Variants in PPP2R5E observed in about 807,000 individuals in gnomAD.
PPP2R5E encodes protein phosphatase 2 regulatory subunit B'epsilon.
A neutral mutation model predicts 65.3 loss-of-function variants in PPP2R5E; 4 were observed. The observed-to-expected ratio is 0.06, with a 90% confidence interval of 0.03 to 0.14. The LOEUF (loss-of-function observed/expected upper bound fraction) is 0.14, where lower values mean the gene tolerates loss of function less well. PPP2R5E is among the 10% of genes least tolerant of loss of function. The pLI is 1.00. For missense variants in PPP2R5E, 274 were observed against 556.1 expected, an observed-to-expected ratio of 0.49 and a Z score of 5.10; for synonymous variants, 183 against 187.4, an observed-to-expected ratio of 0.98 and a Z score of 0.19.
rs545555546 is a variant in PPP2R5E at position 63,436,011 on chromosome 14, A to C, written c.355-13917T>G. Among the ~76,000 whole-genome samples the C allele has an allele frequency of 3.4e-3, 515 of 152,268 alleles. 3 individuals carry two copies. The highest frequency in any genetic ancestry group is 0.017 in the Middle Eastern group (5 of 294). On this transcript the variant is annotated intron_variant, in intron 3 of 13. Transcript: ENST00000337537. ...ATAGTCATAGTGCTTACTGTGTATA[A>C]ATCAGTGCAGGCCCTCGTACCGCCT...
intron 5 of PPP2R5E, among the ~76,000 whole-genome samples, chr14:63,401,231 G>GT (rs138285205): frequency 0.01 from 1,561 of 152,220 alleles, 17 homozygotes; most frequent in African/African-American, 0.02. Context: ...AAAACAAGGG[G>GT]GGGTAGGATG....
At chr14:63,386,509 T>A (rs991403293) in intron 11 of PPP2R5E, among the ~76,000 whole-genome samples, 5 of 152,108 alleles carry the variant, frequency 3.3e-5, no homozygotes, top group Admixed American at 1.3e-4. Context: ...TACAAGCCTA[T>A]CCAATGTAAA....
chr14:63,530,485 G>A lies in PPP2R5E; in HGVS notation c.157+9044C>T, dbSNP rs572376941. Among the ~76,000 whole-genome samples the A allele has an allele frequency of 3.7e-4, 56 of 151,368 alleles. 1 individual carries two copies. The South Asian group carries it at 0.011, about 30-fold the overall frequency. Reference sequence around the variant, plus strand: ...TGACCTCAGGTGATCTGCCCGCCTTGGCCTCCCAAAGTGCTAGGATTACAG... The same window carrying A: ...TGACCTCAGGTGATCTGCCCGCCTTAGCCTCCCAAAGTGCTAGGATTACAG... On this transcript the variant is annotated intron_variant, in intron 2 of 13. Transcript: ENST00000337537.
intron 2 of PPP2R5E, among the ~76,000 whole-genome samples, chr14:63,532,644 C>G (rs1272823744): frequency 3.9e-5 from 6 of 152,132 alleles, no homozygotes; most frequent in Non-Finnish European, 8.8e-5. Flanking sequence ...GTGGCACTGT[C>G]ACATCTATTG....
intron 2 of PPP2R5E, among the ~76,000 whole-genome samples, chr14:63,484,652 C>T (rs1890893597): frequency 6.6e-6 from 1 of 152,110 alleles, no homozygotes; most frequent in African/African-American, 2.4e-5. Flanking sequence ...TATTCTGAAC[C>T]TACTGAAAAA....
intron 3 of PPP2R5E, among the ~76,000 whole-genome samples, chr14:63,441,014 C>G (rs1355762234): frequency 6.6e-6 from 1 of 151,380 alleles, no homozygotes; most frequent in African/African-American, 2.4e-5. Context: ...ATCTCAATCA[C>G]CCAGGTGAGT....
In PPP2R5E at chr14:63,391,953, T is replaced by C; in HGVS notation, c.903+19A>G. ...GGTAATTTTTCTTAAGTTTTTGAAA[T>C]TATGGAAAAAAGACTTACTGGTTCT... On this transcript the variant is annotated intron_variant, in intron 9 of 13. Transcript: ENST00000337537. 6.2e-7 allele frequency: 1 copy of C among 1,608,838 alleles called. No individual in the cohort carries two copies. Among genetic ancestry groups the C allele is most frequent in the Non-Finnish European group, 8.5e-7 (1 of 1,177,030 alleles).
intron 3 of PPP2R5E, among the ~76,000 whole-genome samples, chr14:63,450,235 A>AG (rs1888740108): frequency 6.6e-6 from 1 of 152,168 alleles, no homozygotes; most frequent in Non-Finnish European, 1.5e-5. Flanking sequence ...AGAGTGTCTA[A>AG]GTACCGTATA....
rs1470907942 is a variant in PPP2R5E, at chr14:63,539,660, G to A, written c.26C>T (p.Pro9Leu). 6.2e-7 allele frequency: 1 copy of A among 1,613,904 alleles called. No homozygotes were observed. The highest frequency in any genetic ancestry group is 8.5e-7 in the Non-Finnish European group (1 of 1,179,876). The change falls in exon 2 of 14, where the codon CCA becomes CTA. Residue 9 changes from proline to leucine, a missense_variant. By Grantham distance (98) the Pro-to-Leu change is moderately conservative (BLOSUM62 -3). This residue lies in a region of PPP2R5E where 58 missense variants were observed against 64.8 expected (regional missense o/e 0.90). Coordinates refer to ENST00000337537, the MANE Select transcript of PPP2R5E (RefSeq NM_006246.5). MSSAPTTPPSVDKVDGFSR... is the reference protein window; with the variant it reads MSSAPTTPLSVDKVDGFSR... ...AAATCCGTCTACTTTATCCACTGAT[G>A]GAGGAGTAGTTGGTGCTGAGGACAT...
At chr14:63,385,309 G>A (rs921804175) in intron 11 of PPP2R5E, among the ~76,000 whole-genome samples, 1 of 152,104 alleles carries the variant, frequency 6.6e-6, no homozygotes, top group Non-Finnish European at 1.5e-5. Flanking sequence ...TTGGGTGACA[G>A]AGCAAGACCG....
At chr14:63,488,390 A>G (rs920594697) in intron 2 of PPP2R5E, among the ~76,000 whole-genome samples, 7 of 152,038 alleles carry the variant, frequency 4.6e-5, no homozygotes, top group African/African-American at 1.7e-4. Flanking sequence ...TTTTGTAGAG[A>G]CAGGGTCTTG....
intron 10 of PPP2R5E, among the ~76,000 whole-genome samples, chr14:63,390,054 T>C (rs745332483): frequency 1.9e-4 from 29 of 151,720 alleles, no homozygotes; most frequent in Non-Finnish European, 4.3e-4. Flanking sequence ...TTATTAGTAA[T>C]CCAGCTCTCT....
intron 2 of PPP2R5E, among the ~76,000 whole-genome samples, chr14:63,535,541 A>G (rs1265009753): frequency 6.6e-6 from 1 of 152,248 alleles, no homozygotes; most frequent in African/African-American, 2.4e-5. Context: ...ATCAAAGATT[A>G]TGATGCATAT....
At chr14:63,437,796 TC>T (rs1458188259) in intron 3 of PPP2R5E, among the ~76,000 whole-genome samples, 1 of 152,202 alleles carries the variant, frequency 6.6e-6, no homozygotes, top group Non-Finnish European at 1.5e-5. Context: ...AACTTCCTTG[TC>T]CATTTTGTCA....
At chr14:63,432,910 C>T (rs1009445766) in intron 3 of PPP2R5E, among the ~76,000 whole-genome samples, 6 of 151,756 alleles carry the variant, frequency 4.0e-5, no homozygotes, top group African/African-American at 1.5e-4. Context: ...ATATAAAGTT[C>T]TAAATTAGAC....
intron 5 of PPP2R5E, among the ~76,000 whole-genome samples, chr14:63,398,695 C>A (rs1306382750): frequency 1.3e-5 from 2 of 152,086 alleles, no homozygotes; most frequent in Admixed American, 6.5e-5. Context: ...GAGGCTGAGG[C>A]AGAAGAATTG....
chr14:63,480,147 A>G (rs1333526488), intron 2 of PPP2R5E, among the ~76,000 whole-genome samples: 2 of 152,062 alleles, frequency 1.3e-5, no homozygotes, highest in Admixed American at 6.6e-5. Flanking sequence ...CACAGCCTCA[A>G]TTTTCTTTTT....
At chr14:63,525,889 G>C (rs1257209831) in intron 2 of PPP2R5E, among the ~76,000 whole-genome samples, 1 of 152,080 alleles carries the variant, frequency 6.6e-6, no homozygotes, top group African/African-American at 2.4e-5. Flanking sequence ...ATGGAGTTTT[G>C]CTCTGTACCC....
chr14:63,434,855 A>G (rs1382801696), intron 3 of PPP2R5E, among the ~76,000 whole-genome samples: 1 of 152,190 alleles, frequency 6.6e-6, no homozygotes, highest in Non-Finnish European at 1.5e-5. Context: ...TTACTTCAAA[A>G]TGTCTCTTTG....
Sources: gnomAD v4.1 joint callset for allele counts (sites outside exome capture counted in the v4.1 genomes callset) on GRCh38, gnomAD v4.1.1 for gene constraint, gnomAD v4.1.1 regional missense constraint, MANE v1.5 for transcripts, NCBI Gene and HGNC (gene_info 2026-07-23, HGNC 2026-07-21) for gene names.